Variants in CLIP1 observed in about 807,000 individuals in gnomAD.
The protein encoded by CLIP1 is CAP-Gly domain containing linker protein 1.
Under a neutral mutation model 161.6 loss-of-function variants are expected in CLIP1, and 66 were observed. The ratio of observed to expected loss-of-function variants is 0.41; its 90% CI spans 0.33 to 0.50. The LOEUF (loss-of-function observed/expected upper bound fraction) is 0.50, where lower values mean the gene tolerates loss of function less well. Ranked by LOEUF, CLIP1 falls within the 20% of genes least tolerant of loss-of-function variation. The pLI, the probability that CLIP1 is intolerant of heterozygous loss-of-function variation, is 0.27. For synonymous variants in CLIP1, 598 were observed against 626.2 expected (o/e 0.96, Z 0.67); for missense variants, 1,376 against 1,702.0 (o/e 0.81, Z 3.37).
chr12:122,396,319 A>T (rs1178294819), intron 1 of CLIP1, among the ~76,000 whole-genome samples: 1 of 152,196 alleles, frequency 6.6e-6, no homozygotes, highest in Non-Finnish European at 1.5e-5. Context: ...GCTCCGGAAT[A>T]GCCCTGTGTA....
chr12:122,296,861 C>CA (rs56071033), intron 20 of CLIP1, among the ~76,000 whole-genome samples: 9,186 of 57,848 alleles, frequency 0.16, 612 homozygotes, highest in African/African-American at 0.17. Context: ...GAGACTACCT[C>CA]AAAAAAAAAA....
At chr12:122,396,125 GGAAA>G (rs1955904046) in intron 1 of CLIP1, 1 of 151,016 alleles carries the variant, frequency 6.6e-6, no homozygotes, top group Admixed American at 6.6e-5. Context: ...AAAAGAAAAA[GGAAA>G]GAAAAAAGAA....
rs753092099 is a variant in CLIP1 at position 122,327,993 on chromosome 12, A to C, written c.3203T>G (p.Leu1068Trp). The change falls in exon 17 of 26, where the codon TTG (leucine) becomes TGG (tryptophan). Residue 1068 changes from leucine (L) to tryptophan (W), a missense_variant. Leu to Trp is a moderately conservative substitution (Grantham distance 61, BLOSUM62 -2). Coordinates refer to ENST00000620786, the MANE Select transcript of CLIP1 (RefSeq NM_001247997.2). ...TCTCAGCTCCTCCAGCTCCTGCAGC[A>C]AGCCACTGTTCTCCTCCCGTGCGCC... ...LKGAREENSG[L>W]LQELEELRKQ... is the part of the protein sequence containing the mutation. The C allele has an allele frequency of 6.2e-7, 1 of 1,614,110 alleles. No homozygotes were observed. The highest frequency in any genetic ancestry group is 8.5e-7 in the Non-Finnish European group (1 of 1,180,010).
At chr12:122,396,247 G>A (rs1955907937) in intron 1 of CLIP1, among the ~76,000 whole-genome samples, 1 of 152,162 alleles carries the variant, frequency 6.6e-6, no homozygotes, top group Admixed American at 6.6e-5. Context: ...TTACTAAGGA[G>A]AAGTGGAGAT....
intron 15 of CLIP1, among the ~76,000 whole-genome samples, chr12:122,330,061 G>C (rs1300669781): frequency 2.6e-5 from 4 of 151,978 alleles, no homozygotes; most frequent in Non-Finnish European, 5.9e-5. Flanking sequence ...AGGTTGCGGT[G>C]ACCCAAGATC....
Position 122,330,562 on chromosome 12 carries a change from T to C in CLIP1, c.2868-2136A>G, listed in dbSNP as rs1371836967. Among the ~76,000 whole-genome samples, 6 of 149,318 alleles carry C rather than the reference T, an allele frequency of 4.0e-5. No homozygotes were observed. The South Asian group carries it at 6.3e-4, about 16-fold the overall frequency. ...ATAAAGACAAAAACAGATATTAAGA[T>C]AGAGGAAACTTCAGCACTGAAGAAG... On this transcript the variant is annotated intron_variant, in intron 15 of 25. Transcript: ENST00000620786.
intron 20 of CLIP1, among the ~76,000 whole-genome samples, chr12:122,291,966 CA>C (rs1002678393): frequency 1.6e-4 from 25 of 152,056 alleles, no homozygotes; most frequent in Admixed American, 2.6e-4. Flanking sequence ...GGCCTTCTAC[CA>C]TGAGAAAGGG....
chr12:122,412,791 ATATTT>A (rs1956591432), intron 1 of CLIP1, among the ~76,000 whole-genome samples: 1 of 152,194 alleles, frequency 6.6e-6, no homozygotes, highest in African/African-American at 2.4e-5. Flanking sequence ...ATTAACCTAC[ATATTT>A]TAAGAAGAGA....
Position 122,274,165 on chromosome 12 carries a change from G to A in CLIP1, c.3967-3C>T, listed in dbSNP as rs769972884. On this transcript the variant is annotated splice_polypyrimidine_tract_variant and splice_region_variant and intron_variant, in intron 24 of 25. Transcript: ENST00000620786. ...ATTACTGAATTTAGGAAATCAATCT[G>A]ATTTGTTAAAAAAAAAATGTGTAAA... The A allele has an allele frequency of 1.8e-5, 29 of 1,587,442 alleles. No individual in the cohort carries two copies. Among genetic ancestry groups the A allele is most frequent in the Non-Finnish European group, 2.4e-5 (28 of 1,156,684 alleles).
At chr12:122,390,172 G>GATATATATATATAT (rs71082979) in intron 1 of CLIP1, among the ~76,000 whole-genome samples, 160 of 93,522 alleles carry the variant, frequency 1.7e-3, no homozygotes, top group Non-Finnish European at 2.5e-3. Flanking sequence ...CACAGTCTCA[G>GATATATATATATAT]ATATATATAT....
chr12:122,376,692 G>C (rs1954752343), intron 3 of CLIP1, among the ~76,000 whole-genome samples: 1 of 151,212 alleles, frequency 6.6e-6, no homozygotes. Context: ...GGATGGTCTT[G>C]ATCTCCTGAC....
chr12:122,338,443 G>A (rs1328412761), intron 11 of CLIP1, among the ~76,000 whole-genome samples: 1 of 151,168 alleles, frequency 6.6e-6, no homozygotes, highest in Non-Finnish European at 1.5e-5. Flanking sequence ...CAGGCAAGGT[G>A]CAGTGGCTGA....
chr12:122,315,224 A>G (rs1378034067), intron 19 of CLIP1, among the ~76,000 whole-genome samples: 1 of 152,162 alleles, frequency 6.6e-6, no homozygotes, highest in Non-Finnish European at 1.5e-5. Flanking sequence ...AATCTCATCT[A>G]TGTATTAGGA....
chr12:122,356,080 G>A (rs985719615), intron 5 of CLIP1: 1 of 152,218 alleles, frequency 6.6e-6, no homozygotes, highest in Non-Finnish European at 1.5e-5. Flanking sequence ...AACTACAAAA[G>A]AATCAACCTT....
chr12:122,404,524 G>A (rs369201090), intron 1 of CLIP1, among the ~76,000 whole-genome samples: 16 of 151,760 alleles, frequency 1.1e-4, no homozygotes, highest in East Asian at 5.8e-4. Context: ...GCTTGAACCC[G>A]GGGAGGTGGA....
chr12:122,316,313 C>T (rs566706585), intron 19 of CLIP1, among the ~76,000 whole-genome samples: 98 of 151,802 alleles, frequency 6.5e-4, no homozygotes, highest in African/African-American at 1.8e-3. Context: ...TGGGCTCAAG[C>T]GATCCTCCCA....
chr12:122,354,391 T>C (rs1054084161), intron 7 of CLIP1, 62 bp downstream of exon 7: 3 of 1,308,278 alleles, frequency 2.3e-6, no homozygotes, highest in African/African-American at 2.9e-5. Context: ...CTAGACTCTG[T>C]CTCAAAAACA....
chr12:122,326,247 T>C (rs1259628636), intron 17 of CLIP1, among the ~76,000 whole-genome samples: 2 of 152,008 alleles, frequency 1.3e-5, no homozygotes, highest in Admixed American at 6.5e-5. Flanking sequence ...ACAAAATCAG[T>C]GAGACTGGCC....
Position 122,355,321 on chromosome 12 carries a change from G to A in CLIP1, c.1006-9C>T, listed in dbSNP as rs997964384. On this transcript the variant is annotated splice_polypyrimidine_tract_variant and intron_variant, in intron 5 of 25. Coordinates refer to ENST00000620786, the MANE Select transcript of CLIP1 (RefSeq NM_001247997.2). This position sits in a 1 kb window ranked among gnomAD's most constrained non-coding sequence, Gnocchi z 4.1. ...GAGGAGGTTTCAGTCAACTGTAAAG[G>A]AAAGTTAGAGAAATGAAGGGCGATG... is the stretch of plus-strand genomic sequence containing the variant. 1.2e-6 allele frequency: 2 copies of A among 1,610,178 alleles called. No individual in the cohort carries two copies. Among genetic ancestry groups the A allele is most frequent in the Admixed American group, 1.7e-5 (1 of 59,816 alleles).
Sources: allele counts gnomAD v4.1 joint callset (sites outside exome capture counted in the v4.1 genomes callset), GRCh38; gene constraint gnomAD v4.1.1; non-coding constraint Gnocchi (gnomAD v3.1); transcripts MANE v1.5; gene names NCBI Gene and HGNC (gene_info 2026-07-23, HGNC 2026-07-21).